CERS4: variants seen among roughly 807,000 people sequenced by gnomAD.
CERS4 encodes the protein LAG1 homolog, ceramide synthase 4.
In CERS4, 65 loss-of-function variants were observed where a neutral mutation model predicts 51.8. That is an observed-to-expected ratio of 1.26 (90% confidence interval 1.03 to 1.54). The LOEUF is 1.54. CERS4 is among the 40% of genes most tolerant of loss of function. CERS4 has a pLI of 0.00. For missense variants in CERS4, 563 were observed against 500.4 expected (o/e 1.13, Z -1.19); for synonymous variants, 228 against 208.4 (o/e 1.09, Z -0.81).
At chr19:8,256,012 A>G in intron 6 of CERS4, 133 bp downstream of exon 6, 1 of 1,042,924 alleles carries the variant, frequency 9.6e-7, no homozygotes, top group Non-Finnish European at 1.4e-6. Flanking sequence ...GCTTTGCAAG[A>G]TGGTGGTGAA....
chr19:8,258,425 C>CGGGCCGGG (rs1399914315), intron 10 of CERS4, among the ~76,000 whole-genome samples: 1 of 151,974 alleles, frequency 6.6e-6, no homozygotes, highest in Non-Finnish European at 1.5e-5. Context: ...ATAAATTTGA[C>CGGGCCGGG]GGGCCGGGCG....
chr19:8,234,806 G>A (rs1469774607), intron 2 of CERS4, among the ~76,000 whole-genome samples: 2 of 151,074 alleles, frequency 1.3e-5, no homozygotes, highest in Non-Finnish European at 2.9e-5. Context: ...CACCTGCCTC[G>A]GCTTCTCATA....
At chr19:8,215,506 C>T (rs1398146318) in intron 2 of CERS4, among the ~76,000 whole-genome samples, 2 of 151,544 alleles carry the variant, frequency 1.3e-5, no homozygotes, top group African/African-American at 2.4e-5. Context: ...AAACAAGCAG[C>T]GGGTGTGTCT....
chr19:8,253,844 C>T (rs1969220410), intron 3 of CERS4, among the ~76,000 whole-genome samples: 1 of 152,032 alleles, frequency 6.6e-6, no homozygotes, highest in South Asian at 2.1e-4. Context: ...CCCACCTCAG[C>T]CCCAAAGTTC....
At chr19:8,254,889 A>C (rs563239555) in intron 4 of CERS4, among the ~76,000 whole-genome samples, 8 of 145,670 alleles carry the variant, frequency 5.5e-5, no homozygotes, top group African/African-American at 1.5e-4. Flanking sequence ...CCCCCTTCCC[A>C]GCCTCCTTGG....
intron 2 of CERS4, among the ~76,000 whole-genome samples, chr19:8,216,998 T>G (rs1011011648): frequency 6.6e-6 from 1 of 152,076 alleles, no homozygotes; most frequent in East Asian, 1.9e-4. Context: ...ACTTAACACA[T>G]GTCAGCTTCC....
chr19:8,213,604 GGCCAAGC>G (rs1967167750), intron 2 of CERS4, among the ~76,000 whole-genome samples: 1 of 152,142 alleles, frequency 6.6e-6, no homozygotes, highest in Non-Finnish European at 1.5e-5. Flanking sequence ...CACTGTGCCT[GGCCAAGC>G]GCAGGCTTTT....
At chr19:8,212,639 T>A (rs1161901025) in intron 2 of CERS4, among the ~76,000 whole-genome samples, 4 of 147,936 alleles carry the variant, frequency 2.7e-5, no homozygotes, top group Non-Finnish European at 5.9e-5. Context: ...TTTTAATTAT[T>A]ATTTTTTTTA....
intron 3 of CERS4, among the ~76,000 whole-genome samples, chr19:8,252,929 C>T (rs1322357793): frequency 1.3e-5 from 2 of 152,188 alleles, no homozygotes; most frequent in East Asian, 1.9e-4. Flanking sequence ...TCACCTTGGG[C>T]ATGTCTCTGA....
intron 9 of CERS4, among the ~76,000 whole-genome samples, chr19:8,257,513 C>A (rs1289141962): frequency 4.6e-5 from 7 of 152,238 alleles, no homozygotes; most frequent in African/African-American, 1.7e-4. Context: ...CTCACTGCAA[C>A]CTCTGCCTCC....
At chr19:8,247,248 G>GC (rs1245642188) in intron 2 of CERS4, among the ~76,000 whole-genome samples, 7 of 150,590 alleles carry the variant, frequency 4.6e-5, no homozygotes, top group Non-Finnish European at 7.4e-5. Context: ...TCACCTCCCT[G>GC]CCCTCCCCTC....
intron 6 of CERS4, 178 bp downstream of exon 6, chr19:8,256,057 C>G: frequency 1.1e-6 from 1 of 943,932 alleles, no homozygotes; most frequent in Non-Finnish European, 1.6e-6. Context: ...TTACTATGCA[C>G]CAAAAGTTGG....
chr19:8,236,057 A>G (rs1464367367), intron 2 of CERS4, among the ~76,000 whole-genome samples: 3 of 152,204 alleles, frequency 2.0e-5, no homozygotes, highest in South Asian at 4.1e-4. Context: ...TTAGCTGGGC[A>G]TGGTGGCGGG....
chr19:8,251,284 G>A (rs772700862), intron 3 of CERS4, 35 bp downstream of exon 3: 72 of 1,542,410 alleles, frequency 4.7e-5, no homozygotes, highest in South Asian at 6.3e-5. Context: ...CATTGCCCCC[G>A]CAGTCGCTCC....
At chr19:8,229,590 G>A (rs955169569) in intron 2 of CERS4, among the ~76,000 whole-genome samples, 1 of 152,004 alleles carries the variant, frequency 6.6e-6, no homozygotes, top group African/African-American at 2.4e-5. Context: ...TGTATTTTTA[G>A]TAGAGACAGG....
Position 8,257,044 on chromosome 19 carries a change from G to C in CERS4, c.708G>C (p.Leu236=). ...ANLLRIGSLV[L]LLHDSSDYLL... ...TGCTGCGCATTGGCTCTCTGGTGCT[G>C]CTGTTACACGATTCCTCTGACTACC... Residue 236 remains leucine (L), a synonymous_variant, in exon 9 of 12, where the codon CTG becomes CTC. Coordinates refer to ENST00000251363, the MANE Select transcript of CERS4 (RefSeq NM_024552.3). The C allele has an allele frequency of 3.7e-6, 6 of 1,611,344 alleles. No individual in the cohort carries two copies. The highest frequency in any genetic ancestry group is 5.1e-6 in the Non-Finnish European group (6 of 1,178,338).
intron 2 of CERS4, among the ~76,000 whole-genome samples, chr19:8,229,142 T>G (rs183672413): frequency 6.6e-6 from 1 of 151,900 alleles, no homozygotes; most frequent in East Asian, 1.9e-4. Context: ...CCTGGCAACA[T>G]GGTGAAACCC....
intron 2 of CERS4, among the ~76,000 whole-genome samples, chr19:8,230,380 G>A (rs1034169913): frequency 1.3e-5 from 2 of 151,704 alleles, no homozygotes; most frequent in Non-Finnish European, 2.9e-5. Flanking sequence ...ATTAGAGAGA[G>A]GGTTTCATCA....
chr19:8,261,632 C>A (rs1161357064), intron 10 of CERS4, 56 bp from the exon 11 acceptor site: 3 of 1,602,784 alleles, frequency 1.9e-6, no homozygotes, highest in Non-Finnish European at 2.6e-6. Flanking sequence ...ATTCTTAGGA[C>A]TGGGGGCTAC....
Sources: allele counts gnomAD v4.1 joint callset (sites outside exome capture counted in the v4.1 genomes callset), GRCh38; gene constraint gnomAD v4.1.1; transcripts MANE v1.5; gene names NCBI Gene and HGNC (gene_info 2026-07-23, HGNC 2026-07-21).